Variants in WASF1 observed in about 807,000 individuals in gnomAD.
The protein encoded by WASF1 is actin-binding protein WASF1.
WASF1 carries 7 observed loss-of-function variants against 50.5 expected under a neutral mutation model. The observed-to-expected ratio is 0.14, with a 90% CI of 0.08 to 0.26. The LOEUF (loss-of-function observed/expected upper bound fraction) is 0.26, where lower values mean the gene tolerates loss of function less well. Among genes scored for constraint, WASF1 ranks in the 10% least tolerant of loss-of-function variants. WASF1 has a pLI of 1.00. For synonymous variants in WASF1, 205 were observed against 244.0 expected (o/e 0.84, Z 1.49); for missense variants, 470 against 694.7 (o/e 0.68, Z 3.64).
In WASF1 at chr6:110,124,235, C is replaced by CCTCTCT. The variant is rs10684587; in HGVS notation, c.133+3228_133+3233dup. Among the ~76,000 whole-genome samples, 106 of 10,944 alleles carry CCTCTCT rather than the reference C, an allele frequency of 9.7e-3. 3 individuals carry two copies. The highest frequency in any genetic ancestry group is 0.01 in the Non-Finnish European group (63 of 6,078). The allele number at this position is 10,944 out of a possible 152,430, so 7.2% of individuals were successfully genotyped here. The stretch of plus-strand genomic sequence containing the variant: ...TCTCTCTCCTCTCTCTCCTCTCTCT[C>CCTCTCT]CTCTCTCTCTCTCTCTCTCTCTCTC... On this transcript the variant is annotated intron_variant, in intron 4 of 10. Transcript: ENST00000392589.
chr6:110,144,605 T>C (rs1463827226), intron 3 of WASF1, among the ~76,000 whole-genome samples: 1 of 152,192 alleles, frequency 6.6e-6, no homozygotes, highest in Non-Finnish European at 1.5e-5. Context: ...AGGTCTAACG[T>C]GTAAGTCTTT....
intron 3 of WASF1, among the ~76,000 whole-genome samples, chr6:110,146,635 A>G (rs1359168274): frequency 6.6e-6 from 1 of 152,114 alleles, no homozygotes; most frequent in Admixed American, 6.5e-5. Flanking sequence ...TTGCAAGGTT[A>G]TTGTTTAGAA....
chr6:110,170,037 G>A (rs940907700), intron 2 of WASF1, among the ~76,000 whole-genome samples: 4 of 152,022 alleles, frequency 2.6e-5, no homozygotes, highest in Non-Finnish European at 5.9e-5. Context: ...TACCTATAGA[G>A]GGACAAGGAT....
chr6:110,151,044 A>G (rs940981933), intron 3 of WASF1, among the ~76,000 whole-genome samples: 2 of 152,232 alleles, frequency 1.3e-5, no homozygotes, highest in African/African-American at 4.8e-5. Context: ...TCTCAAAATA[A>G]AAGAGTAAAA....
Position 110,105,648 on chromosome 6 carries a change from TCAAA to T in WASF1, c.541-73_541-70del, listed in dbSNP as rs1176779608. The T allele has an allele frequency of 3.7e-5, 54 of 1,461,106 alleles. No individual in the cohort carries two copies. In the African/African-American group the frequency reaches 6.9e-4, roughly 19 times the overall value. 90.5% of individuals were successfully genotyped at this position (1,461,106 alleles called of 1,614,324 possible). Reference sequence around the variant, plus strand: ...ATTTTTAAAAAGGAGGTTATAACAATCAAATTAAACTCTAACATCAACACTGAAA... The same window carrying T: ...ATTTTTAAAAAGGAGGTTATAACAATTTAAACTCTAACATCAACACTGAAA... On this transcript the variant is annotated intron_variant, in intron 7 of 10. Coordinates refer to ENST00000392589, the MANE Select transcript of WASF1 (RefSeq NM_003931.3).
intron 5 of WASF1, among the ~76,000 whole-genome samples, chr6:110,112,512 C>CA: frequency 6.6e-6 from 1 of 152,202 alleles, no homozygotes; most frequent in African/African-American, 2.4e-5. Context: ...TACATACTGG[C>CA]AATTTGTTTT....
At chr6:110,104,269 A>G (rs778728636) in intron 8 of WASF1, among the ~76,000 whole-genome samples, 4 of 152,234 alleles carry the variant, frequency 2.6e-5, no homozygotes, top group Non-Finnish European at 4.4e-5. Flanking sequence ...GTCAGAAATT[A>G]TTGTATTTAG....
At chr6:110,177,791 T>C (rs1776994934) in intron 2 of WASF1, among the ~76,000 whole-genome samples, 2 of 152,072 alleles carry the variant, frequency 1.3e-5, no homozygotes. Context: ...ATCAAAAGGG[T>C]AAATGCAACA....
At chr6:110,165,524 T>C (rs1776439070) in intron 2 of WASF1, among the ~76,000 whole-genome samples, 2 of 151,704 alleles carry the variant, frequency 1.3e-5, no homozygotes, top group South Asian at 2.1e-4. Context: ...AGGGATTCTA[T>C]TCAGATGTCT....
chr6:110,147,148 C>A (rs927445512), intron 3 of WASF1, among the ~76,000 whole-genome samples: 2 of 151,944 alleles, frequency 1.3e-5, no homozygotes, highest in African/African-American at 2.4e-5. Context: ...GAGATCGAGA[C>A]CATCCTGGCT....
intron 3 of WASF1, among the ~76,000 whole-genome samples, chr6:110,143,673 A>G (rs1042465718): frequency 6.6e-6 from 1 of 152,188 alleles, no homozygotes; most frequent in African/African-American, 2.4e-5. Context: ...AACAGTTAAT[A>G]ATTGCTTTAT....
At chr6:110,118,098 C>T (rs1170741928) in intron 4 of WASF1, among the ~76,000 whole-genome samples, 1 of 151,952 alleles carries the variant, frequency 6.6e-6, no homozygotes, top group Non-Finnish European at 1.5e-5. Flanking sequence ...GAAGAAACTG[C>T]ATCAATTAAC....
chr6:110,145,269 T>C (rs1458931892), intron 3 of WASF1, among the ~76,000 whole-genome samples: 3 of 152,194 alleles, frequency 2.0e-5, no homozygotes, highest in Non-Finnish European at 2.9e-5. Context: ...TTGTCTGTTA[T>C]TGGTGTATAA....
At chr6:110,175,145 C>T (rs1776875345) in intron 2 of WASF1, among the ~76,000 whole-genome samples, 1 of 152,074 alleles carries the variant, frequency 6.6e-6, no homozygotes, top group Non-Finnish European at 1.5e-5. Context: ...ATCTTTATAT[C>T]TTCATACTCC....
chr6:110,102,798 C>T lies in WASF1; in HGVS notation c.893+580G>A, dbSNP rs533485550. Reference sequence around the variant, plus strand: ...TCTATATCTCTATTAGAAAATTTCCCTAATATTTCTCTATTAGAAATTTAT... The same window carrying T: ...TCTATATCTCTATTAGAAAATTTCCTTAATATTTCTCTATTAGAAATTTAT... On this transcript the variant is annotated intron_variant, in intron 9 of 10. Transcript: ENST00000392589. Among the ~76,000 whole-genome samples, 11 of 152,144 alleles carry T rather than the reference C, an allele frequency of 7.2e-5. No homozygotes were observed. The South Asian group carries it at 2.1e-3, about 29-fold the overall frequency.
At chr6:110,124,664 T>C (rs561719043) in intron 4 of WASF1, among the ~76,000 whole-genome samples, 1 of 152,258 alleles carries the variant, frequency 6.6e-6, no homozygotes, top group South Asian at 2.1e-4. Flanking sequence ...CCCAGCACTT[T>C]GGGAGGCCGA....
Position 110,105,426 on chromosome 6 carries a change from C to T in WASF1, c.694G>A (p.Ala232Thr), listed in dbSNP as rs1302611031. 1.2e-6 allele frequency: 2 copies of T among 1,603,706 alleles called. No homozygotes were observed. The highest frequency in any genetic ancestry group is 1.7e-6 in the Non-Finnish European group (2 of 1,175,854). Residue 232 changes from alanine (A) to threonine (T), a missense_variant, in exon 8 of 11, where the codon GCC becomes ACC. Transcript: ENST00000392589. ...AGAAACCTTGTTTCAAAATGAGAGG[C>T]TGGGCCATTAGCAACTTCAATATGC... ...HKHIEVANGP[A>T]SHFETRPQTY...
intron 3 of WASF1, among the ~76,000 whole-genome samples, chr6:110,145,938 C>T (rs1397093665): frequency 7.4e-6 from 1 of 135,624 alleles, no homozygotes; most frequent in Non-Finnish European, 1.5e-5. Flanking sequence ...ACAATGAGAA[C>T]ACATGGACAC....
chr6:110,164,001 C>T (rs1225125107), intron 2 of WASF1, among the ~76,000 whole-genome samples: 2 of 151,526 alleles, frequency 1.3e-5, no homozygotes, highest in African/African-American at 4.8e-5. Flanking sequence ...ATTGGACGTC[C>T]ACATGCAAAA....
Sources: gnomAD v4.1 joint callset for allele counts (sites outside exome capture counted in the v4.1 genomes callset) on GRCh38, gnomAD v4.1.1 for gene constraint, MANE v1.5 for transcripts, NCBI Gene and HGNC (gene_info 2026-07-23, HGNC 2026-07-21) for gene names.